Variants in PVALB observed in about 807,000 individuals in gnomAD.
PVALB encodes parvalbumin, also known as parvalbumin alpha.
Under a neutral mutation model 10.9 loss-of-function variants are expected in PVALB, and 11 were observed. The observed-to-expected ratio is 1.01, with a 90% CI of 0.63 to 1.67. The LOEUF is 1.67. Ranked by LOEUF, PVALB falls within the 40% of genes most tolerant of loss-of-function variation. The pLI is 0.00. For synonymous variants in PVALB, 57 were observed against 50.7 expected (o/e 1.12, Z -0.53); for missense variants, 131 against 136.2 (o/e 0.96, Z 0.19).
rs1569094984 is a variant in PVALB at position 36,816,933 on chromosome 22, G to A, written c.61+12C>T. 1.3e-6 allele frequency: 2 copies of A among 1,598,540 alleles called. No homozygotes were observed. The highest frequency in any genetic ancestry group is 1.7e-5 in the Admixed American group (1 of 59,232). ...AGGGGAGAGGGATGGGGAGGGGAGCGCGCTTGCTCACCGCTAAAGGCTCCC... is the reference window on the plus strand; with the variant it reads ...AGGGGAGAGGGATGGGGAGGGGAGCACGCTTGCTCACCGCTAAAGGCTCCC... On this transcript the variant is annotated intron_variant, in intron 1 of 3. Transcript: ENST00000417718.
intron 3 of PVALB, among the ~76,000 whole-genome samples, chr22:36,806,846 C>T (rs79098184): frequency 0.015 from 2,294 of 152,220 alleles, 58 homozygotes; most frequent in African/African-American, 0.053. Flanking sequence ...CTGTGTCACT[C>T]AGCTAGGAAG....
rs1938860820 is a variant in PVALB, at chr22:36,801,338, T to G, written c.305-420A>C. 2.6e-5 allele frequency among the ~76,000 whole-genome samples: 4 copies of G among 152,332 alleles called. No homozygotes were observed. In the South Asian group the frequency reaches 8.3e-4, roughly 32 times the overall value. ...GTTCCTGTTCTACAGATGAAGAAAC[T>G]GAGGCTCAGGGTCCTGATTTCTGGA... On this transcript the variant is annotated intron_variant, in intron 3 of 3. Coordinates refer to ENST00000417718, the MANE Select transcript of PVALB (RefSeq NM_001315532.2).
At chr22:36,816,632 T>C (rs908728811) in intron 1 of PVALB, among the ~76,000 whole-genome samples, 1 of 152,202 alleles carries the variant, frequency 6.6e-6, no homozygotes, top group South Asian at 2.1e-4. Context: ...ACCCTGGAGG[T>C]CTCTCCTCCG....
chr22:36,817,081 A>G, upstream of PVALB: 1 of 1,419,972 alleles, frequency 7.0e-7, no homozygotes, highest in Non-Finnish European at 9.6e-7. Flanking sequence ...TGCTCATATG[A>G]CCAGCGCTGC....
Position 36,815,160 on chromosome 22 carries a change from T to C in PVALB, c.137A>G (p.Lys46Arg). Residue 46 changes from lysine (K) to arginine (R), a missense_variant, in exon 2 of 4, where the codon AAG (lysine) becomes AGG (arginine). Coordinates refer to ENST00000417718, the MANE Select transcript of PVALB (RefSeq NM_001315532.2). ...LKKKSADDVK[K>R]VFHMLDKDKS... ...GTCCTTGTCCAGCATGTGAAACACC[T>C]TCTTCACATCATCCGCACTCTTTTT... The C allele has an allele frequency of 6.2e-7, 1 of 1,614,214 alleles. No homozygotes were observed. Among genetic ancestry groups the C allele is most frequent in the African/African-American group, 1.3e-5 (1 of 75,056 alleles).
chr22:36,812,403 T>C (rs1160096901), intron 3 of PVALB, among the ~76,000 whole-genome samples: 1 of 152,166 alleles, frequency 6.6e-6, no homozygotes, highest in African/African-American at 2.4e-5. Context: ...TGTAAGTGGG[T>C]AGAACGTGAA....
chr22:36,816,850 C>T (rs906195017), intron 1 of PVALB, 95 bp downstream of exon 1: 9 of 1,138,608 alleles, frequency 7.9e-6, no homozygotes, highest in Non-Finnish European at 1.2e-6. Flanking sequence ...CAGAAGCGCG[C>T]TGGGGAGGAT....
chr22:36,807,526 G>A (rs1938971281), intron 3 of PVALB, among the ~76,000 whole-genome samples: 1 of 152,148 alleles, frequency 6.6e-6, no homozygotes, highest in South Asian at 2.1e-4. Flanking sequence ...TTTCTGTTGA[G>A]GATTGAGATT....
chr22:36,811,750 C>T (rs1027891843), intron 3 of PVALB, among the ~76,000 whole-genome samples: 4 of 152,088 alleles, frequency 2.6e-5, no homozygotes, highest in Non-Finnish European at 5.9e-5. Flanking sequence ...AGATGGGAGC[C>T]AGGCCTTGGG....
At chr22:36,814,058 G>A (rs534403647) in intron 2 of PVALB, among the ~76,000 whole-genome samples, 19 of 152,288 alleles carry the variant, frequency 1.2e-4, no homozygotes, top group Admixed American at 5.2e-4. Context: ...TGTGTCTGGC[G>A]TATGCTGGAA....
At chr22:36,805,997 A>G (rs1938943263) in intron 3 of PVALB, among the ~76,000 whole-genome samples, 1 of 152,114 alleles carries the variant, frequency 6.6e-6, no homozygotes, top group African/African-American at 2.4e-5. Context: ...CCTGATCCTC[A>G]GTTTCCTCAT....
intron 1 of PVALB, 46 bp downstream of exon 1, chr22:36,816,899 C>A (rs1244914819): frequency 2.6e-6 from 4 of 1,526,014 alleles, no homozygotes; most frequent in East Asian, 2.4e-5. Context: ...GGGGCGCGGG[C>A]GGTGGACGAG....
intron 3 of PVALB, among the ~76,000 whole-genome samples, chr22:36,806,829 AGTGTCACT>A (rs1451726787): frequency 6.6e-6 from 1 of 152,084 alleles, no homozygotes; most frequent in East Asian, 1.9e-4. Context: ...ACTGAGGCTG[AGTGTCACT>A]GTGTCACTCA....
Position 36,815,244 on chromosome 22 carries a change from G to T in PVALB, c.62-9C>A. On this transcript the variant is annotated splice_polypyrimidine_tract_variant and intron_variant, in intron 1 of 3. Coordinates refer to ENST00000417718, the MANE Select transcript of PVALB (RefSeq NM_001315532.2). The stretch of plus-strand genomic sequence containing the variant: ...GTCGAAGGAGTCGGTAGCTGTGGGG[G>T]GAAGAGCAGGGTCAAACAAGGACCA... The T allele has an allele frequency of 1.2e-6, 2 of 1,614,118 alleles. No homozygotes were observed. The highest frequency in any genetic ancestry group is 1.7e-5 in the Admixed American group (1 of 60,026).
intron 3 of PVALB, 27 bp downstream of exon 3, chr22:36,813,619 C>T (rs754240133): frequency 1.6e-5 from 25 of 1,562,882 alleles, no homozygotes; most frequent in Non-Finnish European, 2.1e-5. Flanking sequence ...CCACAATATG[C>T]CCAGACCCCA....
chr22:36,817,778 C>A (rs999691355), upstream of PVALB, among the ~76,000 whole-genome samples: 1 of 152,158 alleles, frequency 6.6e-6, no homozygotes, highest in Non-Finnish European at 1.5e-5. Context: ...CTACTAACTA[C>A]TTGCTTTCCT....
chr22:36,809,494 T>A (rs1417160323), intron 3 of PVALB, among the ~76,000 whole-genome samples: 2 of 152,196 alleles, frequency 1.3e-5, no homozygotes, highest in African/African-American at 4.8e-5. Flanking sequence ...GTCACGTGCT[T>A]CGGAGCTCAA....
chr22:36,813,770 G>A lies in PVALB; in HGVS notation c.195-15C>T, dbSNP rs367646655. 6.3e-7 allele frequency: 1 copy of A among 1,593,910 alleles called. No individual in the cohort carries two copies. The highest frequency in any genetic ancestry group is 1.1e-5 in the South Asian group (1 of 90,610). ...TTAGGATGAATCTGGAGGAGAAAAG[G>A]GAGAAAGCCGGTGAGGGAGTCAGGC... is the stretch of plus-strand genomic sequence containing the variant. On this transcript the variant is annotated splice_polypyrimidine_tract_variant and intron_variant, in intron 2 of 3. Coordinates refer to ENST00000417718, the MANE Select transcript of PVALB (RefSeq NM_001315532.2).
chr22:36,813,051 T>C (rs1939070847), intron 3 of PVALB, among the ~76,000 whole-genome samples: 2 of 152,216 alleles, frequency 1.3e-5, no homozygotes, highest in Non-Finnish European at 2.9e-5. Flanking sequence ...AATTCCCCAC[T>C]GATTTCTGGT....
Sources: allele counts gnomAD v4.1 joint callset (sites outside exome capture counted in the v4.1 genomes callset), GRCh38; gene constraint gnomAD v4.1.1; transcripts MANE v1.5; gene names NCBI Gene and HGNC (gene_info 2026-07-23, HGNC 2026-07-21).